CNTN5: variants seen among roughly 807,000 people sequenced by gnomAD.
CNTN5 encodes the protein contactin-5.
Under a neutral mutation model 129.1 loss-of-function variants are expected in CNTN5, and 77 were observed. The ratio of observed to expected loss-of-function variants is 0.60; its 90% CI spans 0.50 to 0.72. The LOEUF is 0.72. CNTN5 is among the 30% of genes least tolerant of loss of function. The probability of loss-of-function intolerance (pLI) is 0.00; values close to 1 mark genes in which losing one functional copy is unlikely to be tolerated. For missense variants in CNTN5, 1,478 were observed against 1,328.8 expected (o/e 1.11, Z -1.75); for synonymous variants, 509 against 465.6 (o/e 1.09, Z -1.20).
intron 18 of CNTN5, among the ~76,000 whole-genome samples, chr11:100,286,575 GAAAGGACATCCACACCA>G: frequency 6.8e-6 from 1 of 146,520 alleles, no homozygotes; most frequent in East Asian, 2.0e-4. Context: ...CTAACAAACA[GAAAGGACATCCACACCA>G]AAAACCCATC....
intron 6 of CNTN5, among the ~76,000 whole-genome samples, chr11:99,880,474 C>G (rs1591357594): frequency 1.3e-5 from 2 of 152,180 alleles, no homozygotes; most frequent in East Asian, 3.9e-4. Context: ...CAAAACAGGA[C>G]TGGCACTGTA....
chr11:100,055,876 ACTCTAT>A (rs1036977883), intron 9 of CNTN5, among the ~76,000 whole-genome samples: 4 of 150,762 alleles, frequency 2.7e-5, no homozygotes, highest in South Asian at 2.1e-4. Context: ...CTCTCTCTTA[ACTCTAT>A]CTCTATATCT....
In CNTN5 at chr11:100,068,141, G is replaced by T. The variant is rs957259371; in HGVS notation, c.1163-2283G>T. Among the ~76,000 whole-genome samples the T allele has an allele frequency of 2.0e-5, 3 of 152,192 alleles. No homozygotes were observed. The South Asian group carries it at 6.2e-4, about 32-fold the overall frequency. On this transcript the variant is annotated intron_variant, in intron 10 of 24. Transcript: ENST00000524871. ...CTAACAAATACAATCAGTTATTATA[G>T]GTAGGACACTGTTTCGCCTAACATT...
intron 13 of CNTN5, among the ~76,000 whole-genome samples, chr11:100,088,427 T>C (rs990213706): frequency 6.6e-6 from 1 of 152,008 alleles, no homozygotes; most frequent in African/African-American, 2.4e-5. Flanking sequence ...CAAAAGTTCA[T>C]GCAAAGAATC....
At chr11:99,386,243 T>G (rs574008422) in intron 2 of CNTN5, among the ~76,000 whole-genome samples, 2 of 152,200 alleles carry the variant, frequency 1.3e-5, no homozygotes, top group African/African-American at 4.8e-5. Flanking sequence ...AGAGGGTTCT[T>G]GGATCTCACA....
At chr11:99,643,537 T>A (rs896618730) in intron 3 of CNTN5, among the ~76,000 whole-genome samples, 4 of 152,086 alleles carry the variant, frequency 2.6e-5, no homozygotes, top group African/African-American at 7.2e-5. Context: ...ATTATATGAG[T>A]GAATGTACAT....
intron 3 of CNTN5, among the ~76,000 whole-genome samples, chr11:99,680,377 G>A (rs1456046852): frequency 6.6e-6 from 1 of 152,074 alleles, no homozygotes; most frequent in African/African-American, 2.4e-5. Context: ...ATTGAAGCCA[G>A]TGCTCATATA....
chr11:99,494,857 C>A (rs866484429), intron 2 of CNTN5, among the ~76,000 whole-genome samples: 14 of 152,122 alleles, frequency 9.2e-5, no homozygotes, highest in South Asian at 2.1e-4. Context: ...TGAAAGCCTA[C>A]TTTTAAAAGT....
intron 21 of CNTN5, among the ~76,000 whole-genome samples, chr11:100,333,227 C>T (rs1486998853): frequency 1.3e-5 from 2 of 151,738 alleles, no homozygotes; most frequent in East Asian, 1.9e-4. Context: ...ACCTAACCAT[C>T]GATGTGGAAG....
intron 3 of CNTN5, among the ~76,000 whole-genome samples, chr11:99,809,247 C>T (rs112912619): frequency 2.5e-4 from 38 of 152,206 alleles, no homozygotes; most frequent in South Asian, 8.3e-4. Flanking sequence ...TAAGCCTTTT[C>T]GCTAAAACAA....
intron 17 of CNTN5, among the ~76,000 whole-genome samples, chr11:100,265,460 A>T (rs952199738): frequency 2.0e-5 from 3 of 152,124 alleles, no homozygotes; most frequent in African/African-American, 7.2e-5. Context: ...CACCAGCTCC[A>T]CTAGGTCATG....
At chr11:100,343,744 T>C (rs540968305) in intron 23 of CNTN5, among the ~76,000 whole-genome samples, 1 of 152,160 alleles carries the variant, frequency 6.6e-6, no homozygotes, top group South Asian at 2.1e-4. Context: ...CATCTGAAGG[T>C]GCACACTAAT....
At chr11:99,283,366 T>A (rs1256237431) in intron 1 of CNTN5, among the ~76,000 whole-genome samples, 1 of 152,246 alleles carries the variant, frequency 6.6e-6, no homozygotes, top group East Asian at 1.9e-4. Context: ...TCGTCAGTGT[T>A]GTTTCTCTCT....
intron 1 of CNTN5, chr11:99,120,560 A>G (rs1858265583): frequency 6.6e-6 from 1 of 152,202 alleles, no homozygotes; most frequent in South Asian, 2.1e-4. Flanking sequence ...AAGTACTTGG[A>G]TGATCTTTAG....
chr11:99,916,877 CAAGG>C (rs1477064415), intron 7 of CNTN5, among the ~76,000 whole-genome samples: 2 of 152,000 alleles, frequency 1.3e-5, no homozygotes, highest in Non-Finnish European at 2.9e-5. Context: ...AGAAAGAGCA[CAAGG>C]AAGAACCAAG....
intron 1 of CNTN5, among the ~76,000 whole-genome samples, chr11:99,289,771 C>A (rs12283068): frequency 0.46 from 70,350 of 151,334 alleles, 16,722 homozygotes; most frequent in East Asian, 0.66. Context: ...TATATTTTAC[C>A]TGGCTATGAA....
intron 2 of CNTN5, among the ~76,000 whole-genome samples, chr11:99,376,625 A>G (rs1334999204): frequency 6.6e-6 from 1 of 152,178 alleles, no homozygotes; most frequent in Non-Finnish European, 1.5e-5. Flanking sequence ...TGTGGTCAGA[A>G]TCCTGTACTT....
rs376978380 is a variant in CNTN5 at position 99,525,296 on chromosome 11, T to A, written c.-70-30849T>A. ...GGATCAACTTATAATTTAAAAAAAA[T>A]AAGGACAAAAACAGCACACAGCTTG... On this transcript the variant is annotated intron_variant, in intron 2 of 24. Transcript: ENST00000524871. 4.6e-5 allele frequency among the ~76,000 whole-genome samples: 7 copies of A among 152,094 alleles called. No individual in the cohort carries two copies. In the East Asian group the frequency reaches 1.3e-3, roughly 29 times the overall value.
At chr11:99,724,123 G>A (rs1228615303) in intron 3 of CNTN5, among the ~76,000 whole-genome samples, 1 of 152,086 alleles carries the variant, frequency 6.6e-6, no homozygotes. Context: ...AGCTGGTCCT[G>A]CACAGTCATT....
Sources: gnomAD v4.1 joint callset for allele counts (sites outside exome capture counted in the v4.1 genomes callset) on GRCh38, gnomAD v4.1.1 for gene constraint, MANE v1.5 for transcripts, NCBI Gene and HGNC (gene_info 2026-07-23, HGNC 2026-07-21) for gene names.